The following SND1 variants were observed in gnomAD, a reference collection of about 807,000 sequenced individuals.
The protein encoded by SND1 is staphylococcal nuclease domain-containing protein 1.
A neutral mutation model predicts 121.7 loss-of-function variants in SND1; 38 were observed. That is an observed-to-expected ratio of 0.31 (90% confidence interval 0.24 to 0.41). The LOEUF (loss-of-function observed/expected upper bound fraction) is 0.41. Ranked by LOEUF, SND1 falls within the 10% of genes least tolerant of loss-of-function variation. The pLI, the probability that SND1 is intolerant of heterozygous loss-of-function variation, is 1.00. For missense variants in SND1, 868 were observed against 1,184.6 expected (o/e 0.73, Z 3.92); for synonymous variants, 401 against 447.4 (o/e 0.90, Z 1.31).
chr7:127,851,443 A>G (rs966086062), intron 12 of SND1, among the ~76,000 whole-genome samples: 1 of 152,144 alleles, frequency 6.6e-6, no homozygotes. Context: ...TTTTTCTTCT[A>G]TATTCAAGGA....
chr7:127,767,436 AAT>A (rs763382864), intron 10 of SND1, among the ~76,000 whole-genome samples: 3 of 152,226 alleles, frequency 2.0e-5, no homozygotes, highest in Non-Finnish European at 4.4e-5. Flanking sequence ...TAGCCCTGTC[AAT>A]ATAGTTTGAT....
intron 13 of SND1, among the ~76,000 whole-genome samples, chr7:127,900,943 G>T (rs751052548): frequency 4.6e-5 from 7 of 152,210 alleles, no homozygotes; most frequent in Non-Finnish European, 7.3e-5. Context: ...TTGTGAGGAA[G>T]CGGCTGTTAA....
chr7:127,748,390 C>G (rs1252108875), intron 10 of SND1, among the ~76,000 whole-genome samples: 1 of 152,144 alleles, frequency 6.6e-6, no homozygotes, highest in Non-Finnish European at 1.5e-5. Flanking sequence ...TCAGATTAAT[C>G]AGGTGTATGC....
intron 15 of SND1, among the ~76,000 whole-genome samples, chr7:127,976,404 T>C (rs1802121641): frequency 6.6e-6 from 1 of 152,242 alleles, no homozygotes; most frequent in African/African-American, 2.4e-5. Context: ...TGCGGGTCTG[T>C]TGGGTACCTG....
At chr7:127,659,371 AT>A (rs1261567718) in intron 1 of SND1, among the ~76,000 whole-genome samples, 1 of 152,252 alleles carries the variant, frequency 6.6e-6, no homozygotes, top group Non-Finnish European at 1.5e-5. Flanking sequence ...TTTTTTAAAA[AT>A]TAGGAAGTTA....
chr7:128,053,885 C>T (rs1049061799), intron 16 of SND1, among the ~76,000 whole-genome samples: 6 of 152,150 alleles, frequency 3.9e-5, no homozygotes, highest in Admixed American at 1.3e-4. Flanking sequence ...AGCTTTTCCC[C>T]GACCCCAGGC....
chr7:127,670,683 T>A (rs972987106), intron 1 of SND1, among the ~76,000 whole-genome samples: 1 of 152,048 alleles, frequency 6.6e-6, no homozygotes, highest in Admixed American at 6.5e-5. Flanking sequence ...TTTATTTTTA[T>A]TTTTAATTTT....
chr7:127,670,269 G>A (rs537659203), intron 1 of SND1, among the ~76,000 whole-genome samples: 1 of 150,766 alleles, frequency 6.6e-6, no homozygotes, highest in African/African-American at 2.5e-5. Flanking sequence ...GATTACAGGC[G>A]TGAGCCACCA....
chr7:127,931,300 T>A (rs1392489904), intron 15 of SND1, among the ~76,000 whole-genome samples: 1 of 152,186 alleles, frequency 6.6e-6, no homozygotes, highest in Non-Finnish European at 1.5e-5. Context: ...GGATAGAAGA[T>A]CAAACCAGTC....
At chr7:128,039,442 C>T (rs1312336561) in intron 16 of SND1, among the ~76,000 whole-genome samples, 1 of 152,106 alleles carries the variant, frequency 6.6e-6, no homozygotes, top group African/African-American at 2.4e-5. Context: ...CCCTACCCTG[C>T]TCTACTTACA....
At position 127,928,692 on chromosome 7, in the gene SND1, G is replaced by A. The variant is rs747005436; in HGVS notation, c.1528-496G>A. On this transcript the variant is annotated intron_variant, in intron 14 of 23. Transcript: ENST00000354725. ...CAACCTCCACCTCCCAGGTTCAAGC[G>A]ATTCTCCTGCCTCAGCCTCCCAAGT... 2.6e-5 allele frequency among the ~76,000 whole-genome samples: 4 copies of A among 151,910 alleles called. No individual in the cohort carries two copies. The East Asian group carries it at 5.8e-4, about 22-fold the overall frequency.
At chr7:127,747,005 T>C (rs931598947) in intron 10 of SND1, among the ~76,000 whole-genome samples, 4 of 152,256 alleles carry the variant, frequency 2.6e-5, no homozygotes, top group Non-Finnish European at 4.4e-5. Flanking sequence ...GTTATTGTTA[T>C]TAATTTTTTA....
chr7:127,733,353 T>G (rs1433813909), intron 10 of SND1, among the ~76,000 whole-genome samples: 2 of 152,130 alleles, frequency 1.3e-5, no homozygotes, highest in Non-Finnish European at 2.9e-5. Flanking sequence ...AAGGAAGCAG[T>G]TTTGACTCTC....
At chr7:127,854,562 T>A (rs1799234957) in intron 12 of SND1, among the ~76,000 whole-genome samples, 2 of 150,862 alleles carry the variant, frequency 1.3e-5, no homozygotes, top group African/African-American at 4.9e-5. Flanking sequence ...ATTTATTTAT[T>A]TATTTATTTA....
intron 1 of SND1, among the ~76,000 whole-genome samples, chr7:127,669,682 A>G (rs1436388770): frequency 6.6e-6 from 1 of 152,194 alleles, no homozygotes; most frequent in African/African-American, 2.4e-5. Context: ...ATACATCTGA[A>G]TGCCTACACT....
chr7:127,855,014 CT>C (rs747304631), intron 12 of SND1, among the ~76,000 whole-genome samples: 1,418 of 135,982 alleles, frequency 0.01, 10 homozygotes, highest in African/African-American at 0.025. Context: ...GTGCTGAGTG[CT>C]TTTTTTTTTT....
At chr7:128,005,465 C>T (rs1185889196) in intron 16 of SND1, among the ~76,000 whole-genome samples, 1 of 152,184 alleles carries the variant, frequency 6.6e-6, no homozygotes, top group Admixed American at 6.5e-5. Context: ...GTAATTTGTA[C>T]AGTATCGTTG....
intron 14 of SND1, chr7:127,928,221 A>G (rs1800884055): frequency 6.6e-6 from 1 of 152,140 alleles, no homozygotes; most frequent in South Asian, 2.1e-4. Flanking sequence ...ATGTGTTTTT[A>G]TTATTTCTAT....
intron 1 of SND1, among the ~76,000 whole-genome samples, chr7:127,684,321 T>G (rs1486555703): frequency 6.6e-6 from 1 of 152,212 alleles, no homozygotes; most frequent in Non-Finnish European, 1.5e-5. Context: ...TGTGAAAACT[T>G]GACCAAAATT....
Sources: gnomAD v4.1 joint callset for allele counts (sites outside exome capture counted in the v4.1 genomes callset) on GRCh38, gnomAD v4.1.1 for gene constraint, MANE v1.5 for transcripts, NCBI Gene and HGNC (gene_info 2026-07-23, HGNC 2026-07-21) for gene names.